POU6F2: variants seen among roughly 807,000 people sequenced by gnomAD.
POU6F2 encodes the protein POU domain, class 6, transcription factor 2.
POU6F2 carries 31 observed loss-of-function variants against 71.3 expected under a neutral mutation model. That is an observed-to-expected ratio of 0.43 (90% CI 0.33 to 0.59). POU6F2 has a LOEUF of 0.59. Among genes scored for constraint, POU6F2 ranks in the 20% least tolerant of loss-of-function variants. The pLI, the probability that POU6F2 is intolerant of heterozygous loss-of-function variation, is 0.04. For missense variants in POU6F2, 783 were observed against 856.8 expected (o/e 0.91, Z 1.07); for synonymous variants, 347 against 355.7 (o/e 0.98, Z 0.27).
intron 2 of POU6F2, among the ~76,000 whole-genome samples, chr7:39,142,326 G>A (rs973668014): frequency 4.6e-5 from 7 of 152,170 alleles, no homozygotes; most frequent in Admixed American, 1.3e-4. Context: ...ACCGTGAGCC[G>A]TAGAAAAGAA....
intron 8 of POU6F2, among the ~76,000 whole-genome samples, chr7:39,454,729 AAAT>A (rs1788759291): frequency 4.5e-5 from 4 of 88,006 alleles, no homozygotes; most frequent in African/African-American, 7.6e-5. Context: ...TATATATATA[AAAT>A]AAGATATATA....
intron 1 of POU6F2, among the ~76,000 whole-genome samples, chr7:39,071,654 AACACACACACACACACACACACACAC>A (rs10522287): frequency 7.0e-6 from 1 of 142,156 alleles, no homozygotes; most frequent in East Asian, 2.0e-4. Context: ...TCTCTAAAGA[AACACACACACACACACACACACACAC>A]ACACACACAC....
At chr7:39,338,079 C>T (rs1308522462) in intron 4 of POU6F2, among the ~76,000 whole-genome samples, 3 of 152,192 alleles carry the variant, frequency 2.0e-5, no homozygotes, top group Non-Finnish European at 4.4e-5. Flanking sequence ...TAAGCATTAA[C>T]ATATGTGCCC....
chr7:39,121,563 A>G (rs1792042721), intron 2 of POU6F2, among the ~76,000 whole-genome samples: 1 of 152,204 alleles, frequency 6.6e-6, no homozygotes, highest in African/African-American at 2.4e-5. Flanking sequence ...TAGTAGGTAC[A>G]TACTATATTT....
At chr7:39,061,227 C>G (rs1057487772) in intron 1 of POU6F2, among the ~76,000 whole-genome samples, 10 of 152,054 alleles carry the variant, frequency 6.6e-5, no homozygotes, top group African/African-American at 2.4e-4. Flanking sequence ...GGTCTTATGT[C>G]TACTTCTTTG....
chr7:39,223,625 T>C (rs1337280212), intron 4 of POU6F2, among the ~76,000 whole-genome samples: 3 of 152,172 alleles, frequency 2.0e-5, no homozygotes, highest in Non-Finnish European at 4.4e-5. Context: ...GCAGCATTTT[T>C]CCCCAACCTT....
intron 5 of POU6F2, among the ~76,000 whole-genome samples, chr7:39,389,833 A>C (rs1370008115): frequency 2.0e-5 from 3 of 152,248 alleles, no homozygotes; most frequent in Admixed American, 2.0e-4. Context: ...CAAGTCAGCC[A>C]CAGATCCAGT....
At position 39,338,537 on chromosome 7, in the gene POU6F2, T is replaced by C. The variant is rs1009363882; in HGVS notation, c.599-1105T>C. 2.0e-5 allele frequency among the ~76,000 whole-genome samples: 3 copies of C among 152,278 alleles called. No individual in the cohort carries two copies. The South Asian group carries it at 6.2e-4, about 32-fold the overall frequency. On this transcript the variant is annotated intron_variant, in intron 4 of 9. Coordinates refer to ENST00000518318, the MANE Select transcript of POU6F2 (RefSeq NM_001370959.1). ...GGACCAAGTTGGAAGCCCTACATGG[T>C]ATGTGAGATCACAGAATTGGTATTT...
intron 1 of POU6F2, chr7:38,984,951 T>C (rs2116602084): frequency 6.6e-6 from 1 of 150,448 alleles, no homozygotes; most frequent in Middle Eastern, 3.4e-3. Context: ...ACAACATTTA[T>C]AGGGAGCTTA....
chr7:39,461,697 C>G (rs1298998476), intron 9 of POU6F2, among the ~76,000 whole-genome samples: 2 of 152,182 alleles, frequency 1.3e-5, no homozygotes, highest in Admixed American at 1.3e-4. Context: ...GCTTGCAGCT[C>G]ACATTTTGCT....
Position 39,207,551 on chromosome 7 carries a change from A to G in POU6F2, c.529A>G (p.Asn177Asp), listed in dbSNP as rs767558174. 5 of 1,613,918 alleles carry G rather than the reference A, an allele frequency of 3.1e-6. No homozygotes were observed. In the South Asian group the frequency reaches 5.5e-5, roughly 18 times the overall value. ...CACACTGCCAACAGCGAATCTCACC[A>G]ACATCCAAGGGCTGGTGGCAGCAGC... ...VLTLPTANLT[N>D]IQGLVAAAAA... The change falls in exon 4 of 10, where the codon AAC becomes GAC. Residue 177 changes from asparagine (N) to aspartate (D), a missense_variant. Physicochemically the swap from Asn to Asp is conservative, Grantham distance 23 (BLOSUM62 1). Around this residue, in one of 2 missense-constraint regions of POU6F2, gnomAD observed 572 missense variants for 572.9 expected, o/e 1.00. Coordinates refer to ENST00000518318, the MANE Select transcript of POU6F2 (RefSeq NM_001370959.1).
At chr7:39,154,011 T>C (rs1792811831) in intron 2 of POU6F2, among the ~76,000 whole-genome samples, 1 of 152,220 alleles carries the variant, frequency 6.6e-6, no homozygotes, top group Non-Finnish European at 1.5e-5. Context: ...AATCTGGCTG[T>C]TCACAGTGAT....
Position 39,464,696 on chromosome 7 carries a change from C to A in POU6F2, c.*10C>A. The A allele has an allele frequency of 6.3e-7, 1 of 1,577,370 alleles. No individual in the cohort carries two copies. Among genetic ancestry groups the A allele is most frequent in the Non-Finnish European group, 8.6e-7 (1 of 1,162,816 alleles). On this transcript the variant is annotated 3_prime_UTR_variant, in exon 10 of 10. Coordinates refer to ENST00000518318, the MANE Select transcript of POU6F2 (RefSeq NM_001370959.1). The surrounding 1 kb of genome is among the most constrained non-coding windows in gnomAD (Gnocchi z 4.1). ...GGAAGAAAACTCCTAAAGAGATGCC[C>A]ACCCATAATCAGAAGCAAAATTCAC... is the stretch of plus-strand genomic sequence containing the variant.
At chr7:39,189,027 C>T (rs1250676426) in intron 2 of POU6F2, among the ~76,000 whole-genome samples, 1 of 152,152 alleles carries the variant, frequency 6.6e-6, no homozygotes, top group Non-Finnish European at 1.5e-5. Context: ...GTTTGGGGTC[C>T]ATCATATACT....
chr7:39,006,582 T>C (rs1789078084), intron 1 of POU6F2, among the ~76,000 whole-genome samples: 1 of 152,174 alleles, frequency 6.6e-6, no homozygotes, highest in African/African-American at 2.4e-5. Context: ...AGAGCTGACA[T>C]TAGGGCTTCT....
chr7:39,398,304 T>C (rs933370), intron 5 of POU6F2, among the ~76,000 whole-genome samples: 50,156 of 151,234 alleles, frequency 0.33, 8,665 homozygotes, highest in East Asian at 0.59. Flanking sequence ...CAGACTCTAA[T>C]AAGTTGTGAA....
chr7:39,343,653 G>A (rs896200230), intron 5 of POU6F2, among the ~76,000 whole-genome samples: 1 of 152,126 alleles, frequency 6.6e-6, no homozygotes, highest in South Asian at 2.1e-4. Flanking sequence ...CCCAGTCATG[G>A]TGTAGGTGGA....
In POU6F2 at chr7:39,270,206, G is replaced by A. The variant is rs73382919; in HGVS notation, c.598+62586G>A. ...TGCCTAAGGCTTGGTATCCATACAC[G>A]TGGTATCCATGTGACTTGTGACACG... On this transcript the variant is annotated intron_variant, in intron 4 of 9. Coordinates refer to ENST00000518318, the MANE Select transcript of POU6F2 (RefSeq NM_001370959.1). 7.1e-3 allele frequency among the ~76,000 whole-genome samples: 1,084 copies of A among 152,288 alleles called. 8 individuals carry two copies. The highest frequency in any genetic ancestry group is 0.025 in the African/African-American group (1,026 of 41,546).
chr7:39,146,200 T>G (rs1792623349), intron 2 of POU6F2, among the ~76,000 whole-genome samples: 1 of 152,206 alleles, frequency 6.6e-6, no homozygotes, highest in African/African-American at 2.4e-5. Flanking sequence ...CCCTGAAGGC[T>G]GAATAAGGAT....
Sources: gnomAD v4.1 joint callset for allele counts (sites outside exome capture counted in the v4.1 genomes callset) on GRCh38, gnomAD v4.1.1 for gene constraint, gnomAD v4.1.1 regional missense constraint, Gnocchi (gnomAD v3.1) non-coding constraint, MANE v1.5 for transcripts, NCBI Gene and HGNC (gene_info 2026-07-23, HGNC 2026-07-21) for gene names.